The following FNDC9 variants were observed in gnomAD, a reference collection of about 807,000 sequenced individuals.
The protein encoded by FNDC9 is fibronectin type III domain-containing protein 9.
In FNDC9, 3 loss-of-function variants were observed where a neutral mutation model predicts 9.0. That is an observed-to-expected ratio of 0.33 (90% confidence interval 0.15 to 0.86). The LOEUF is 0.86. Among genes scored for constraint, FNDC9 ranks in the 40% least tolerant of loss-of-function variants. The pLI is 0.53. For synonymous variants in FNDC9, 114 were observed against 115.6 expected, an observed-to-expected ratio of 0.99 and a Z score of 0.09; for missense variants, 279 against 287.2, an observed-to-expected ratio of 0.97 and a Z score of 0.21.
rs74925421 is a variant in FNDC9, at chr5:157,342,633, C to T, written c.*229G>A. 475 of 470,368 alleles carry T rather than the reference C, an allele frequency of 1.0e-3. 5 individuals are homozygous for T. The East Asian group carries it at 0.011, about 11-fold the overall frequency. 29.1% of individuals were successfully genotyped at this position (470,368 alleles called of 1,614,324 possible). A position where few individuals can be genotyped will look rare whatever the true frequency, so the allele number is the denominator to read the frequency against. ...GCTTTCAATTCTTAACTGTGTCCTC[C>T]GAGTGGACGCTGCTGCTGAGATGCC... On this transcript the variant is annotated 3_prime_UTR_variant, in exon 2 of 2. Transcript: ENST00000312349.
chr5:157,343,359 A>T lies in FNDC9; in HGVS notation c.178T>A (p.Ser60Thr), dbSNP rs1460756001. The T allele has an allele frequency of 5.6e-6, 9 of 1,614,080 alleles. No individual in the cohort carries two copies. The highest frequency in any genetic ancestry group is 7.6e-6 in the Non-Finnish European group (9 of 1,180,048). ...HEEKVPRTIS[S>T]VVLEHLAPST... ...GGGGCAAGATGTTCCAGCACCACGG[A>T]GCTGATCGTTCGAGGCACCTTCTCC... The change falls in exon 2 of 2, where the codon TCC (serine) becomes ACC (threonine). Residue 60 changes from serine (S) to threonine (T), a missense_variant. Coordinates refer to ENST00000312349, the MANE Select transcript of FNDC9 (RefSeq NM_001001343.4).
In FNDC9 at chr5:157,345,442, C is replaced by A. The variant is rs1350499945; in HGVS notation, c.-8+99G>T. 5.2e-5 allele frequency: 8 copies of A among 152,576 alleles called. No homozygotes were observed. In the East Asian group the frequency reaches 1.5e-3, roughly 29 times the overall value. 9.5% of individuals were successfully genotyped at this position (152,576 alleles called of 1,614,324 possible). A position where few individuals can be genotyped will look rare whatever the true frequency, so the allele number is the denominator to read the frequency against. ...CTTCCTCTGTTTCCGTTTCTAAATT[C>A]TCCCCTATTTTTAACTATTCATTTG... is the stretch of plus-strand genomic sequence containing the variant. On this transcript the variant is annotated intron_variant, in intron 1 of 1. Coordinates refer to ENST00000312349, the MANE Select transcript of FNDC9 (RefSeq NM_001001343.4).
In FNDC9 at chr5:157,343,021, C is replaced by T; in HGVS notation, c.516G>A (p.Glu172=). The T allele has an allele frequency of 6.2e-7, 1 of 1,614,232 alleles. No homozygotes were observed. The highest frequency in any genetic ancestry group is 8.5e-7 in the Non-Finnish European group (1 of 1,180,034). The part of the protein sequence containing the change: ...PEEAPDLGQR[E]EDLQGLPLVE... ...CCAGGGGGAGCCCCTGCAGGTCTTC[C>T]TCCCTCTGACCAAGATCCGGGGCCT... Residue 172 remains glutamate, a synonymous_variant, in exon 2 of 2, where the codon GAG becomes GAA. Coordinates refer to ENST00000312349, the MANE Select transcript of FNDC9 (RefSeq NM_001001343.4).
In FNDC9 at chr5:157,343,041, G is replaced by C. The variant is rs17054522; in HGVS notation, c.496C>G (p.Pro166Ala). Residue 166 changes from proline (P) to alanine (A), a missense_variant, in exon 2 of 2, where the codon CCG becomes GCG. Physicochemically the swap from Pro to Ala is conservative, Grantham distance 27. Transcript: ENST00000312349. The stretch of plus-strand genomic sequence containing the variant: ...TCTTCCTCCCTCTGACCAAGATCCG[G>C]GGCCTCCTCTGGCCATCTCACCAAC... ...NGLVRWPEEA[P>A]DLGQREEDLQ... The C allele has an allele frequency of 3.6e-3, 5,755 of 1,614,190 alleles. 178 individuals are homozygous for C. In the Admixed American group the frequency reaches 0.063, roughly 18 times the overall value.
intron 1 of FNDC9, among the ~76,000 whole-genome samples, chr5:157,344,264 A>G (rs1032284798): frequency 2.0e-5 from 3 of 152,184 alleles, no homozygotes; most frequent in Non-Finnish European, 4.4e-5. Context: ...AATCATGGTA[A>G]TAACCACTCA....
chr5:157,342,651 G>C lies in FNDC9; in HGVS notation c.*211C>G, dbSNP rs917942719. The C allele has an allele frequency of 3.9e-6, 2 of 509,640 alleles. No homozygotes were observed. Among genetic ancestry groups the C allele is most frequent in the Admixed American group, 3.4e-5 (1 of 29,104 alleles). The allele number at this position is 509,640 out of a possible 1,614,324, so 31.6% of individuals were successfully genotyped here. On this transcript the variant is annotated 3_prime_UTR_variant, in exon 2 of 2. Coordinates refer to ENST00000312349, the MANE Select transcript of FNDC9 (RefSeq NM_001001343.4). ...TGTCCTCCGAGTGGACGCTGCTGCT[G>C]AGATGCCTCGTTTGTGCCTTGGCAT...
At position 157,342,782 on chromosome 5, in the gene FNDC9, G is replaced by T; in HGVS notation, c.*80C>A. 7.3e-7 allele frequency: 1 copy of T among 1,370,060 alleles called. No homozygotes were observed. The highest frequency in any genetic ancestry group is 9.9e-7 in the Non-Finnish European group (1 of 1,014,666). The allele number at this position is 1,370,060 out of a possible 1,614,324, so 84.9% of individuals were successfully genotyped here. A position where few individuals can be genotyped will look rare whatever the true frequency, so the allele number is the denominator to read the frequency against. On this transcript the variant is annotated 3_prime_UTR_variant, in exon 2 of 2. Coordinates refer to ENST00000312349, the MANE Select transcript of FNDC9 (RefSeq NM_001001343.4). ...ACGTTTGATGGGAGAGAAATGGGTA[G>T]TCTATAGACACATTTGTACAAACGA...
chr5:157,344,152 C>T (rs1015138942), intron 1 of FNDC9, among the ~76,000 whole-genome samples: 1 of 152,094 alleles, frequency 6.6e-6, no homozygotes, highest in Admixed American at 6.5e-5. Context: ...TTTGTTTTTT[C>T]AAAGCCAGCG....
In FNDC9 at chr5:157,343,148, A is replaced by C; in HGVS notation, c.389T>G (p.Phe130Cys). ...GACACACCAGAACTGGAGGCAGATG[A>C]AGGCCAAGACGGCTGTGAAGCAGGC... ...LLACFTAVLA[F>C]ICLQFWCVRC... The change falls in exon 2 of 2, where the codon TTC becomes TGC. Residue 130 changes from phenylalanine (F) to cysteine (C), a missense_variant. Coordinates refer to ENST00000312349, the MANE Select transcript of FNDC9 (RefSeq NM_001001343.4). The C allele has an allele frequency of 6.2e-7, 1 of 1,614,224 alleles. No individual in the cohort carries two copies. Among genetic ancestry groups the C allele is most frequent in the Non-Finnish European group, 8.5e-7 (1 of 1,180,030 alleles).
At chr5:157,343,633 A>G in intron 1 of FNDC9, 90 bp from the exon 2 acceptor site, 2 of 1,022,462 alleles carry the variant, frequency 2.0e-6, no homozygotes, top group Non-Finnish European at 2.8e-6. Flanking sequence ...CACATTTGAG[A>G]CGGGCACTCA....
In FNDC9 at chr5:157,343,121, C is replaced by T. The variant is rs1427635038; in HGVS notation, c.416G>A (p.Arg139His). Residue 139 changes from arginine (R) to histidine (H), a missense_variant, in exon 2 of 2, where the codon CGT becomes CAT. Physicochemically the swap from Arg to His is conservative, Grantham distance 29. Transcript: ENST00000312349. ...AFICLQFWCV[R>H]CHEPRWSYRA... ...GTAAGACCATCGCGGCTCATGGCAA[C>T]GGACACACCAGAACTGGAGGCAGAT... is the stretch of plus-strand genomic sequence containing the variant. 3.1e-6 allele frequency: 5 copies of T among 1,614,060 alleles called. No individual in the cohort carries two copies. Among genetic ancestry groups the T allele is most frequent in the East Asian group, 4.5e-5 (2 of 44,892 alleles).
At chr5:157,343,766 G>A (rs10062052) in intron 1 of FNDC9, among the ~76,000 whole-genome samples, 70,364 of 151,812 alleles carry the variant, frequency 0.46, 17,912 homozygotes, top group African/African-American at 0.69. Flanking sequence ...TCAGGCCTAA[G>A]AACAGATGCA....
Position 157,343,377 on chromosome 5 carries a change from C to T in FNDC9, c.160G>A (p.Val54Met), listed in dbSNP as rs368561224. 6.8e-6 allele frequency: 11 copies of T among 1,614,178 alleles called. No individual in the cohort carries two copies. The highest frequency in any genetic ancestry group is 9.3e-6 in the Non-Finnish European group (11 of 1,180,042). The change falls in exon 2 of 2, where the codon GTG becomes ATG. Residue 54 changes from valine (V) to methionine (M), a missense_variant. Physicochemically the swap from Val to Met is conservative, Grantham distance 21 (BLOSUM62 1). Coordinates refer to ENST00000312349, the MANE Select transcript of FNDC9 (RefSeq NM_001001343.4). Reference sequence around the variant, plus strand: ...ACCACGGAGCTGATCGTTCGAGGCACCTTCTCCTCGTGGTGGAAGCTGTAG... The same window carrying T: ...ACCACGGAGCTGATCGTTCGAGGCATCTTCTCCTCGTGGTGGAAGCTGTAG... ...LRYSFHHEEKVPRTISSVVLE... is the reference protein window; with the variant it reads ...LRYSFHHEEKMPRTISSVVLE...
Position 157,342,846 on chromosome 5 carries a change from G to A in FNDC9, c.*16C>T, listed in dbSNP as rs376408771. 5.6e-5 allele frequency: 89 copies of A among 1,597,630 alleles called. No homozygotes were observed. Among genetic ancestry groups the A allele is most frequent in the Non-Finnish European group, 6.8e-5 (80 of 1,171,072 alleles). Reference sequence around the variant, plus strand: ...AAGCTTTAGGCTACATGATGCGGGCGCTCTCCTCCCCACTCTCATTCCCCA... The same window carrying A: ...AAGCTTTAGGCTACATGATGCGGGCACTCTCCTCCCCACTCTCATTCCCCA... On this transcript the variant is annotated 3_prime_UTR_variant, in exon 2 of 2. Coordinates refer to ENST00000312349, the MANE Select transcript of FNDC9 (RefSeq NM_001001343.4).
At chr5:157,343,567 A>G (rs1762459268) in intron 1 of FNDC9, 24 bp from the exon 2 acceptor site, 1 of 1,506,824 alleles carries the variant, frequency 6.6e-7, no homozygotes, top group Non-Finnish European at 9.0e-7. Context: ...CAAAGTGAAG[A>G]GTGACATCCC....
Position 157,341,762 on chromosome 5 carries a change from T to C in FNDC9, c.*1100A>G, listed in dbSNP as rs1762278199. On this transcript the variant is annotated 3_prime_UTR_variant, in exon 2 of 2. Transcript: ENST00000312349. ...TCTTAGTTGATTCACTGCAGTGTCG[T>C]CCTGTGATTCTGGGATTTTGTGCTC... The C allele has an allele frequency of 6.4e-6, 1 of 155,814 alleles. No individual in the cohort carries two copies. Among genetic ancestry groups the C allele is most frequent in the African/African-American group, 2.4e-5 (1 of 41,446 alleles). The allele number at this position is 155,814 out of a possible 1,614,324, so 9.7% of individuals were successfully genotyped here.
In FNDC9 at chr5:157,342,673, G is replaced by T; in HGVS notation, c.*189C>A. ...GCTGAGATGCCTCGTTTGTGCCTTG[G>T]CATACCCTGGGGGATACATTTTCCA... On this transcript the variant is annotated 3_prime_UTR_variant, in exon 2 of 2. Coordinates refer to ENST00000312349, the MANE Select transcript of FNDC9 (RefSeq NM_001001343.4). 1 of 554,630 alleles carries T rather than the reference G, an allele frequency of 1.8e-6. No homozygotes were observed. The highest frequency in any genetic ancestry group is 3.1e-6 in the Non-Finnish European group (1 of 323,200). 34.4% of individuals were successfully genotyped at this position (554,630 alleles called of 1,614,324 possible).
rs1014573061 is a variant in FNDC9 at position 157,343,445 on chromosome 5, A to G, written c.92T>C (p.Met31Thr). The change falls in exon 2 of 2, where the codon ATG (methionine) becomes ACG (threonine). Residue 31 changes from methionine to threonine, a missense_variant. Met to Thr is a moderately conservative substitution (Grantham distance 81). Coordinates refer to ENST00000312349, the MANE Select transcript of FNDC9 (RefSeq NM_001001343.4). ...EPCLEDYYHI[M>T]YRPNWNSIFS... ...GATGCTGTTCCAGTTGGGCCTGTAC[A>G]TAATATGGTAATAGTCCTCCAGGCA... 4.3e-6 allele frequency: 7 copies of G among 1,613,934 alleles called. No homozygotes were observed. Among genetic ancestry groups the G allele is most frequent in the African/African-American group, 2.7e-5 (2 of 74,916 alleles).
rs1451810847 is a variant in FNDC9, at chr5:157,343,470, A to G, written c.67T>C (p.Cys23Arg). ...AIISWSSSEP[C>R]LEDYYHIMYR... ...ATAATATGGTAATAGTCCTCCAGGC[A>G]GGGCTCCGAGGACGACCAGGAGATG... Residue 23 changes from cysteine to arginine, a missense_variant, in exon 2 of 2, where the codon TGC becomes CGC. Cys to Arg is a radical substitution (Grantham distance 180). Transcript: ENST00000312349. The G allele has an allele frequency of 3.7e-6, 6 of 1,607,842 alleles. No individual in the cohort carries two copies. Among genetic ancestry groups the G allele is most frequent in the Middle Eastern group, 1.7e-4 (1 of 6,042 alleles).
Sources: gnomAD v4.1 joint callset for allele counts (sites outside exome capture counted in the v4.1 genomes callset) on GRCh38, gnomAD v4.1.1 for gene constraint, MANE v1.5 for transcripts, NCBI Gene and HGNC (gene_info 2026-07-23, HGNC 2026-07-21) for gene names.